Variants in GFPT1 observed in about 807,000 individuals in gnomAD.
GFPT1 encodes glutamine--fructose-6-phosphate transaminase 1.
In GFPT1, 40 loss-of-function variants were observed where a neutral mutation model predicts 92.0. That is an observed-to-expected ratio of 0.43 (90% CI 0.34 to 0.57). The LOEUF (loss-of-function observed/expected upper bound fraction) is 0.57. GFPT1 is among the 20% of genes least tolerant of loss of function. The pLI is 0.02. For missense variants in GFPT1, 448 were observed against 869.1 expected (o/e 0.52, Z 6.09); for synonymous variants, 269 against 280.6 (o/e 0.96, Z 0.41).
At chr2:69,374,479 A>G (rs1393116728) in intron 1 of GFPT1, among the ~76,000 whole-genome samples, 2 of 151,888 alleles carry the variant, frequency 1.3e-5, no homozygotes, top group Non-Finnish European at 2.9e-5. Flanking sequence ...ACGCCCAGCT[A>G]ATTTTTTGTA....
intron 9 of GFPT1, among the ~76,000 whole-genome samples, chr2:69,352,191 A>G (rs1671223320): frequency 2.0e-5 from 3 of 152,114 alleles, no homozygotes; most frequent in Non-Finnish European, 4.4e-5. Context: ...TGAACCTGGG[A>G]GGTGGAGGTT....
At chr2:69,341,817 G>GCTAA (rs1345125809) in intron 13 of GFPT1, among the ~76,000 whole-genome samples, 4 of 152,162 alleles carry the variant, frequency 2.6e-5, no homozygotes, top group Admixed American at 1.3e-4. Flanking sequence ...AGTGAACAAT[G>GCTAA]CTAAGCAAAA....
chr2:69,378,280 A>G (rs1192473285), intron 1 of GFPT1, among the ~76,000 whole-genome samples: 1 of 152,232 alleles, frequency 6.6e-6, no homozygotes, highest in Non-Finnish European at 1.5e-5. Flanking sequence ...TGCTAGGATT[A>G]CAGGCATAAG....
intron 1 of GFPT1, among the ~76,000 whole-genome samples, chr2:69,385,028 C>T (rs1408864027): frequency 6.6e-6 from 1 of 152,046 alleles, no homozygotes; most frequent in Admixed American, 6.6e-5. Context: ...TCAGGCAAAA[C>T]CGTGGTATGA....
rs1349350339 is a variant in GFPT1, at chr2:69,344,147, A to G, written c.1105+1757T>C. 2.1e-5 allele frequency among the ~76,000 whole-genome samples: 3 copies of G among 140,390 alleles called. No individual in the cohort carries two copies. The Admixed American group carries it at 2.3e-4, about 11-fold the overall frequency. 92.1% of individuals were successfully genotyped at this position (140,390 alleles called of 152,430 possible). ...GGAAACAGCAGTAAAAGGCTGGATC[A>G]GGGTCATGCAAAGGCAAAGACTCAA... On this transcript the variant is annotated intron_variant, in intron 12 of 19. Transcript: ENST00000357308.
intron 15 of GFPT1, among the ~76,000 whole-genome samples, chr2:69,331,190 C>T (rs1423431365): frequency 1.3e-5 from 2 of 152,094 alleles, no homozygotes; most frequent in Admixed American, 6.5e-5. Context: ...ATTTTGACTG[C>T]GGGACAATGA....
intron 13 of GFPT1, 38 bp downstream of exon 13, chr2:69,342,114 T>A: frequency 9.2e-7 from 1 of 1,092,048 alleles, no homozygotes. Flanking sequence ...AGATATTCTC[T>A]AATATTCAAC....
At chr2:69,374,576 G>A (rs1671829899) in intron 1 of GFPT1, among the ~76,000 whole-genome samples, 1 of 152,142 alleles carries the variant, frequency 6.6e-6, no homozygotes, top group South Asian at 2.1e-4. Flanking sequence ...GCCTCCCAAA[G>A]TGCTAGGATT....
At chr2:69,349,684 T>C (rs148458541) in intron 10 of GFPT1, among the ~76,000 whole-genome samples, 38 of 152,318 alleles carry the variant, frequency 2.5e-4, no homozygotes, top group African/African-American at 8.9e-4. Flanking sequence ...AAGATGAGTA[T>C]CTACATTAGA....
At chr2:69,354,684 C>CTT in intron 7 of GFPT1, 116 bp from the exon 8 acceptor site, 1 of 728,640 alleles carries the variant, frequency 1.4e-6, no homozygotes, top group Non-Finnish European at 2.5e-6. Flanking sequence ...CCAAGCTCAA[C>CTT]TTCAGATATA....
chr2:69,369,933 AGAG>A (rs773824971), intron 3 of GFPT1, 65 bp downstream of exon 3: 58 of 891,712 alleles, frequency 6.5e-5, no homozygotes, highest in Middle Eastern at 2.1e-4. Context: ...GGAGTAACTT[AGAG>A]GAGAATGGGG....
At chr2:69,336,910 T>C (rs979192664) in intron 15 of GFPT1, among the ~76,000 whole-genome samples, 3 of 152,138 alleles carry the variant, frequency 2.0e-5, no homozygotes, top group Non-Finnish European at 4.4e-5. Context: ...CCTAAATTTA[T>C]GCATATTCCA....
intron 15 of GFPT1, among the ~76,000 whole-genome samples, chr2:69,337,173 T>C (rs774464171): frequency 3.3e-5 from 5 of 151,392 alleles, no homozygotes; most frequent in Non-Finnish European, 5.9e-5. Context: ...CAAGTGATTC[T>C]CTTGCCTCAG....
intron 2 of GFPT1, 49 bp downstream of exon 2, chr2:69,373,957 T>C (rs780653739): frequency 3.5e-6 from 3 of 859,356 alleles, no homozygotes; most frequent in Non-Finnish European, 6.0e-6. Context: ...ATAAAAATAG[T>C]ATCTATTTAA....
intron 9 of GFPT1, among the ~76,000 whole-genome samples, chr2:69,351,792 CA>C (rs1671212193): frequency 6.6e-6 from 1 of 151,986 alleles, no homozygotes; most frequent in Admixed American, 6.6e-5. Context: ...AGAAAAATAA[CA>C]TATTAGTGTT....
rs1055447904 is a variant in GFPT1 at position 69,357,582 on chromosome 2, C to G, written c.543+747G>C. On this transcript the variant is annotated intron_variant, in intron 6 of 19. Transcript: ENST00000357308. ...TCTACATTCTCCATCTTCCTGCTTC[C>G]TCTTTTTGCTACAGATATAAGATTT... is the stretch of plus-strand genomic sequence containing the variant. 5.9e-5 allele frequency among the ~76,000 whole-genome samples: 9 copies of G among 152,198 alleles called. No homozygotes were observed. The East Asian group carries it at 1.7e-3, about 29-fold the overall frequency.
chr2:69,329,144 G>T (rs559212693), intron 17 of GFPT1, among the ~76,000 whole-genome samples, 153 bp downstream of exon 17: 2 of 152,282 alleles, frequency 1.3e-5, no homozygotes, highest in South Asian at 4.1e-4. Context: ...AGAGTTCTCT[G>T]TTGCACTTTC....
intron 13 of GFPT1, among the ~76,000 whole-genome samples, chr2:69,339,011 C>G (rs972557313): frequency 2.6e-5 from 4 of 152,146 alleles, no homozygotes; most frequent in Admixed American, 2.0e-4. Context: ...GTCTCAATCT[C>G]CTGACCTCAT....
At chr2:69,347,488 T>A (rs1197668000) in intron 11 of GFPT1, among the ~76,000 whole-genome samples, 1 of 151,614 alleles carries the variant, frequency 6.6e-6, no homozygotes, top group Non-Finnish European at 1.5e-5. Flanking sequence ...TTCTTTTTTT[T>A]TTTTTTGAGA....
Sources: allele counts gnomAD v4.1 joint callset (sites outside exome capture counted in the v4.1 genomes callset), GRCh38; gene constraint gnomAD v4.1.1; transcripts MANE v1.5; gene names NCBI Gene and HGNC (gene_info 2026-07-23, HGNC 2026-07-21).